The following ROCK1 variants were observed in gnomAD, a reference collection of about 807,000 sequenced individuals.
ROCK1 encodes the protein rho-associated protein kinase 1.
Under a neutral mutation model 196.8 loss-of-function variants are expected in ROCK1, and 36 were observed. The ratio of observed to expected loss-of-function variants is 0.18; its 90% CI spans 0.14 to 0.24. The LOEUF (loss-of-function observed/expected upper bound fraction) is 0.24, where lower values mean the gene tolerates loss of function less well. Ranked by LOEUF, ROCK1 falls within the 10% of genes least tolerant of loss-of-function variation. The pLI, the probability that ROCK1 is intolerant of heterozygous loss-of-function variation, is 1.00. For synonymous variants in ROCK1, 443 were observed against 515.9 expected (o/e 0.86, Z 1.91); for missense variants, 920 against 1,562.0 (o/e 0.59, Z 6.93).
chr18:20,970,983 C>T (rs1290645283), intron 22 of ROCK1, among the ~76,000 whole-genome samples: 1 of 152,098 alleles, frequency 6.6e-6, no homozygotes, highest in East Asian at 1.9e-4. Context: ...TTAAACTAGT[C>T]CCTTCCAGCT....
chr18:20,967,882 T>C lies in ROCK1; in HGVS notation c.3062A>G (p.Lys1021Arg), dbSNP rs754168527. 8.1e-6 allele frequency: 13 copies of C among 1,596,700 alleles called. No homozygotes were observed. In the African/African-American group the frequency reaches 1.3e-4, roughly 17 times the overall value. Residue 1021 changes from lysine to arginine, a missense_variant, in exon 26 of 33, where the codon AAA becomes AGA. Physicochemically the swap from Lys to Arg is conservative, Grantham distance 26. Coordinates refer to ENST00000399799, the MANE Select transcript of ROCK1 (RefSeq NM_005406.3). ...CTTTCTCAAATCTTGTGTATTAGCT[T>C]TCTTTCTATCAATTTTAAAATCTTT... Reference protein sequence around the residue: ...NRKDFKIDRKKANTQDLRKKE... With the variant: ...NRKDFKIDRKRANTQDLRKKE...
chr18:21,018,041 C>G (rs1231656827), intron 12 of ROCK1, among the ~76,000 whole-genome samples: 1 of 151,892 alleles, frequency 6.6e-6, no homozygotes. Flanking sequence ...TCCACAATCC[C>G]TAGCACTAGG....
intron 16 of ROCK1, 38 bp downstream of exon 16, chr18:21,006,313 T>C (rs1598525283): frequency 2.7e-6 from 4 of 1,496,802 alleles, no homozygotes; most frequent in East Asian, 2.3e-5. Flanking sequence ...ATAAATTTCA[T>C]GTTACGTATA....
chr18:21,039,931 C>T (rs2036090567), intron 8 of ROCK1, among the ~76,000 whole-genome samples: 1 of 152,054 alleles, frequency 6.6e-6, no homozygotes, highest in Non-Finnish European at 1.5e-5. Flanking sequence ...CTGGAACACG[C>T]CTGTAGTCCC....
At chr18:21,067,504 C>T (rs1346931960) in intron 2 of ROCK1, among the ~76,000 whole-genome samples, 2 of 151,360 alleles carry the variant, frequency 1.3e-5, no homozygotes, top group African/African-American at 4.9e-5. Flanking sequence ...CTCCTTGCCT[C>T]AGCCTCTGAA....
At chr18:21,080,848 C>T (rs1161317981) in intron 1 of ROCK1, among the ~76,000 whole-genome samples, 1 of 152,032 alleles carries the variant, frequency 6.6e-6, no homozygotes, top group African/African-American at 2.4e-5. Context: ...TATAAATATA[C>T]AAGCCCCATG....
Position 20,951,439 on chromosome 18 carries a change from A to G in ROCK1, c.4062-52T>C, listed in dbSNP as rs367859764. ...TTTAAGAAATGCACTCAGTTTAAAA[A>G]TACAAGAAACAAACATTAGGAGGAA... On this transcript the variant is annotated intron_variant, in intron 32 of 32. Transcript: ENST00000399799. 6.5e-5 allele frequency: 97 copies of G among 1,488,346 alleles called. No individual in the cohort carries two copies. The African/African-American group carries it at 1.3e-3, about 20-fold the overall frequency. The allele number at this position is 1,488,346 out of a possible 1,614,324, so 92.2% of individuals were successfully genotyped here.
chr18:21,030,842 A>G (rs1411378418), intron 9 of ROCK1, among the ~76,000 whole-genome samples: 1 of 152,242 alleles, frequency 6.6e-6, no homozygotes. Flanking sequence ...ATGGCAGAGT[A>G]GGGAACTCAA....
At chr18:20,986,905 G>A (rs750768906) in intron 19 of ROCK1, 45 bp downstream of exon 19, 71 of 1,492,398 alleles carry the variant, frequency 4.8e-5, no homozygotes, top group Non-Finnish European at 5.8e-5. Context: ...TTATATAACC[G>A]TTTCTCTTTT....
At chr18:20,985,576 A>G (rs2035571135) in intron 19 of ROCK1, among the ~76,000 whole-genome samples, 1 of 152,162 alleles carries the variant, frequency 6.6e-6, no homozygotes, top group African/African-American at 2.4e-5. Context: ...TACTATTTTA[A>G]TATCTGTTTT....
At chr18:21,057,292 G>A (rs766744491) in intron 2 of ROCK1, among the ~76,000 whole-genome samples, 3 of 152,128 alleles carry the variant, frequency 2.0e-5, no homozygotes, top group African/African-American at 4.8e-5. Flanking sequence ...GAAATAAAAT[G>A]AGCAAATTGA....
chr18:21,006,193 G>A (rs559006686), intron 16 of ROCK1, among the ~76,000 whole-genome samples, 158 bp downstream of exon 16: 89 of 152,254 alleles, frequency 5.8e-4, no homozygotes, highest in African/African-American at 1.9e-3. Flanking sequence ...AAAGCCAGAC[G>A]CAAAAGGACA....
At chr18:21,029,506 T>C (rs1328424908) in intron 9 of ROCK1, among the ~76,000 whole-genome samples, 1 of 152,106 alleles carries the variant, frequency 6.6e-6, no homozygotes, top group African/African-American at 2.4e-5. Context: ...AGCAATGGAT[T>C]TGGAATTGTA....
At chr18:21,061,741 T>G (rs2036293054) in intron 2 of ROCK1, among the ~76,000 whole-genome samples, 1 of 152,212 alleles carries the variant, frequency 6.6e-6, no homozygotes, top group South Asian at 2.1e-4. Context: ...TACGTAATGC[T>G]GGAAAACTGT....
intron 1 of ROCK1, among the ~76,000 whole-genome samples, chr18:21,092,903 A>G (rs999533672): frequency 1.3e-5 from 2 of 152,102 alleles, no homozygotes; most frequent in Non-Finnish European, 2.9e-5. Flanking sequence ...GGTGGTCTTA[A>G]GTTGAGGTTT....
chr18:20,974,611 T>C (rs1282191402), intron 22 of ROCK1, among the ~76,000 whole-genome samples: 1 of 152,234 alleles, frequency 6.6e-6, no homozygotes, highest in Non-Finnish European at 1.5e-5. Context: ...CTCTCCATAA[T>C]GAAAGACTGT....
chr18:21,034,213 G>A (rs2036037379), intron 9 of ROCK1, among the ~76,000 whole-genome samples: 1 of 152,064 alleles, frequency 6.6e-6, no homozygotes, highest in African/African-American at 2.4e-5. Context: ...TTGTTAAGAT[G>A]ATAATACTAC....
At chr18:21,017,360 T>C (rs548549304) in intron 12 of ROCK1, among the ~76,000 whole-genome samples, 1 of 151,486 alleles carries the variant, frequency 6.6e-6, no homozygotes, top group African/African-American at 2.4e-5. Flanking sequence ...CCCAGCTAAT[T>C]TTTTGTATTT....
chr18:21,026,776 C>G (rs1416646348), intron 10 of ROCK1, among the ~76,000 whole-genome samples: 1 of 152,016 alleles, frequency 6.6e-6, no homozygotes, highest in Non-Finnish European at 1.5e-5. Flanking sequence ...ATAATTTACT[C>G]CAAGCCAATC....
Sources: gnomAD v4.1 joint callset for allele counts (sites outside exome capture counted in the v4.1 genomes callset) on GRCh38, gnomAD v4.1.1 for gene constraint, MANE v1.5 for transcripts, NCBI Gene and HGNC (gene_info 2026-07-23, HGNC 2026-07-21) for gene names.